CHCHD6: variants seen among roughly 807,000 people sequenced by gnomAD.
CHCHD6 encodes the protein MICOS complex subunit MIC25.
CHCHD6 carries 28 observed loss-of-function variants against 32.3 expected under a neutral mutation model. The observed-to-expected ratio is 0.87, with a 90% CI of 0.64 to 1.19. CHCHD6 has a LOEUF of 1.19. Ranked by LOEUF, CHCHD6 falls within the 50% of genes most tolerant of loss-of-function variation. CHCHD6 has a pLI of 0.00. For missense variants in CHCHD6, 333 were observed against 307.0 expected (o/e 1.08, Z -0.63); for synonymous variants, 122 against 117.5 (o/e 1.04, Z -0.25).
chr3:126,840,329 C>T (rs960041196), intron 4 of CHCHD6, among the ~76,000 whole-genome samples: 4 of 152,034 alleles, frequency 2.6e-5, no homozygotes, highest in African/African-American at 9.7e-5. Context: ...GATTGCACAA[C>T]TTTGTGAATG....
intron 5 of CHCHD6, among the ~76,000 whole-genome samples, chr3:126,853,473 G>T (rs1227152307): frequency 6.6e-6 from 1 of 152,106 alleles, no homozygotes. Flanking sequence ...GCAAATCTTC[G>T]CAAATCATTT....
At chr3:126,907,067 G>A (rs953978182) in intron 5 of CHCHD6, among the ~76,000 whole-genome samples, 2 of 152,122 alleles carry the variant, frequency 1.3e-5, no homozygotes, top group African/African-American at 2.4e-5. Flanking sequence ...GTGGAAACAC[G>A]GTCATCTGAT....
At chr3:126,790,123 C>CT (rs1261505203) in intron 4 of CHCHD6, among the ~76,000 whole-genome samples, 2 of 151,980 alleles carry the variant, frequency 1.3e-5, no homozygotes, top group African/African-American at 4.8e-5. Flanking sequence ...GTTGAAAATT[C>CT]TTTTCTTTAA....
At chr3:126,859,898 CG>C (rs1340649979) in intron 5 of CHCHD6, among the ~76,000 whole-genome samples, 1 of 152,146 alleles carries the variant, frequency 6.6e-6, no homozygotes, top group Non-Finnish European at 1.5e-5. Context: ...GTGAAGGCCC[CG>C]TGAGCTGTGT....
At chr3:126,909,909 G>A (rs1184045208) in intron 5 of CHCHD6, among the ~76,000 whole-genome samples, 2 of 152,234 alleles carry the variant, frequency 1.3e-5, no homozygotes, top group African/African-American at 4.8e-5. Context: ...GGTTCCAGGA[G>A]CTCTCGAGAA....
intron 4 of CHCHD6, among the ~76,000 whole-genome samples, chr3:126,786,783 A>T (rs1938234758): frequency 6.6e-6 from 1 of 151,930 alleles, no homozygotes; most frequent in Non-Finnish European, 1.5e-5. Context: ...TTGTCTGTTC[A>T]CTCTGATGGT....
chr3:126,900,768 C>T (rs2077914016), intron 5 of CHCHD6, among the ~76,000 whole-genome samples: 1 of 152,110 alleles, frequency 6.6e-6, no homozygotes, highest in Admixed American at 6.6e-5. Context: ...CCACGCCTGG[C>T]TGATTTTGTA....
chr3:126,870,960 C>T (rs1455903369), intron 5 of CHCHD6, among the ~76,000 whole-genome samples: 5 of 152,154 alleles, frequency 3.3e-5, no homozygotes, highest in Admixed American at 2.0e-4. Context: ...TCTGAATTCT[C>T]GAGAGTGCCT....
At position 126,796,586 on chromosome 3, in the gene CHCHD6, T is replaced by C. The variant is rs1343606982; in HGVS notation, c.412-56061T>C. On this transcript the variant is annotated intron_variant, in intron 4 of 7. Coordinates refer to ENST00000290913, the MANE Select transcript of CHCHD6 (RefSeq NM_032343.3). Reference sequence around the variant, plus strand: ...CCTCGTCCACACCATGGAGTATCAGTGTACAGTGGCTCCCAAGGCTGTACA... The same window carrying C: ...CCTCGTCCACACCATGGAGTATCAGCGTACAGTGGCTCCCAAGGCTGTACA... Among the ~76,000 whole-genome samples, 5 of 152,226 alleles carry C rather than the reference T, an allele frequency of 3.3e-5. No homozygotes were observed. The South Asian group carries it at 6.2e-4, about 19-fold the overall frequency.
At chr3:126,862,745 TCAC>T in intron 5 of CHCHD6, among the ~76,000 whole-genome samples, 1 of 16,210 alleles carries the variant, frequency 6.2e-5, no homozygotes, top group African/African-American at 3.6e-4. Context: ...TCCTCCACCA[TCAC>T]CACCTCCTCC....
intron 4 of CHCHD6, among the ~76,000 whole-genome samples, chr3:126,738,396 A>G (rs1420172248): frequency 6.6e-6 from 1 of 152,176 alleles, no homozygotes; most frequent in Admixed American, 6.5e-5. Context: ...AGATGTTCAA[A>G]GTTTTTGAAT....
At chr3:126,787,484 A>G (rs1196117890) in intron 4 of CHCHD6, among the ~76,000 whole-genome samples, 2 of 151,020 alleles carry the variant, frequency 1.3e-5, no homozygotes, top group Non-Finnish European at 3.0e-5. Flanking sequence ...ATTTGTTTGT[A>G]TCCTCTTTTA....
At chr3:126,841,328 T>C (rs930318488) in intron 4 of CHCHD6, among the ~76,000 whole-genome samples, 1 of 152,202 alleles carries the variant, frequency 6.6e-6, no homozygotes, top group African/African-American at 2.4e-5. Context: ...GTCTTTGCTA[T>C]TGTGAATAAT....
In CHCHD6 at chr3:126,754,429, T is replaced by A. The variant is rs149831421; in HGVS notation, c.411+21207T>A. ...ATACTGCCCTTCAGCCCCTAAGCCA[T>A]GTACCTAGCCCTTTGGGATCATGCA... On this transcript the variant is annotated intron_variant, in intron 4 of 7. Coordinates refer to ENST00000290913, the MANE Select transcript of CHCHD6 (RefSeq NM_032343.3). Among the ~76,000 whole-genome samples the A allele has an allele frequency of 2.0e-3, 299 of 152,290 alleles. 2 individuals carry two copies. Among genetic ancestry groups the A allele is most frequent in the African/African-American group, 6.8e-3 (284 of 41,578 alleles).
intron 5 of CHCHD6, among the ~76,000 whole-genome samples, chr3:126,862,471 ACCT>A (rs1941959029): frequency 1.7e-5 from 2 of 115,034 alleles, no homozygotes; most frequent in South Asian, 3.3e-4. Context: ...CACCATCACC[ACCT>A]CCTCCTCTTC....
At chr3:126,878,532 G>GT in intron 5 of CHCHD6, among the ~76,000 whole-genome samples, 1 of 152,240 alleles carries the variant, frequency 6.6e-6, no homozygotes, top group East Asian at 1.9e-4. Flanking sequence ...CACATTGAAT[G>GT]TTTAAAAAGA....
chr3:126,895,972 G>A (rs913386946), intron 5 of CHCHD6, among the ~76,000 whole-genome samples: 1 of 152,192 alleles, frequency 6.6e-6, no homozygotes, highest in Non-Finnish European at 1.5e-5. Context: ...GAGCTGGGAG[G>A]GCCCTGAGAG....
At chr3:126,763,366 G>A (rs1475755744) in intron 4 of CHCHD6, among the ~76,000 whole-genome samples, 1 of 130,528 alleles carries the variant, frequency 7.7e-6, no homozygotes, top group Non-Finnish European at 1.5e-5. Flanking sequence ...GTGCTCTGTT[G>A]TCCAGGCTGC....
At chr3:126,888,058 G>C (rs565779649) in intron 5 of CHCHD6, among the ~76,000 whole-genome samples, 2 of 152,304 alleles carry the variant, frequency 1.3e-5, no homozygotes, top group Admixed American at 1.3e-4. Context: ...GGGGCCCTCA[G>C]CCAGAGTCCT....
Sources: gnomAD v4.1 joint callset for allele counts (sites outside exome capture counted in the v4.1 genomes callset) on GRCh38, gnomAD v4.1.1 for gene constraint, MANE v1.5 for transcripts, NCBI Gene and HGNC (gene_info 2026-07-23, HGNC 2026-07-21) for gene names.